The following CAST variants were observed in gnomAD, a reference collection of about 807,000 sequenced individuals.
CAST encodes the protein calpastatin.
In CAST, 76 loss-of-function variants were observed where a neutral mutation model predicts 119.6. That is an observed-to-expected ratio of 0.64 (90% confidence interval 0.53 to 0.77). CAST has a LOEUF of 0.77. Among genes scored for constraint, CAST ranks in the 30% least tolerant of loss-of-function variants. The pLI, the probability that CAST is intolerant of heterozygous loss-of-function variation, is 0.00. For synonymous variants in CAST, 319 were observed against 331.6 expected, an observed-to-expected ratio of 0.96 and a Z score of 0.41; for missense variants, 953 against 946.5, an observed-to-expected ratio of 1.01 and a Z score of -0.09.
At chr5:96,034,531 T>TA in the CAST span, among the ~76,000 whole-genome samples, 1 of 132,490 alleles carries the variant, frequency 7.5e-6, no homozygotes, top group Admixed American at 7.8e-5. Context: ...ATGCATCCAT[T>TA]ATATATTCCA....
chr5:96,078,487 A>G, the CAST span, among the ~76,000 whole-genome samples: 12 of 151,670 alleles, frequency 7.9e-5, no homozygotes, highest in African/African-American at 2.7e-4. Flanking sequence ...TCCGCCTCCC[A>G]GGTTCAAGCA....
chr5:96,052,277 T>A, the CAST span, among the ~76,000 whole-genome samples: 1 of 152,222 alleles, frequency 6.6e-6, no homozygotes, highest in Non-Finnish European at 1.5e-5. Context: ...CTCTTCTCAC[T>A]TGGTGGGCTA....
the CAST span, among the ~76,000 whole-genome samples, chr5:96,358,908 G>A: frequency 4.6e-5 from 7 of 152,172 alleles, no homozygotes; most frequent in East Asian, 1.9e-4. Flanking sequence ...TTTCTGTCTC[G>A]TTGATCTGTC....
chr5:96,232,509 G>A, the CAST span, among the ~76,000 whole-genome samples: 1 of 152,068 alleles, frequency 6.6e-6, no homozygotes, highest in Admixed American at 6.6e-5. Flanking sequence ...AAAATCTATG[G>A]AGAAAAGATT....
chr5:96,543,123 G>A (rs1455861831), intron 1 of CAST, among the ~76,000 whole-genome samples: 7 of 152,030 alleles, frequency 4.6e-5, no homozygotes, highest in African/African-American at 1.2e-4. Context: ...ATAAACACTC[G>A]GAACCAACCC....
chr5:96,194,637 TAAA>T, the CAST span, among the ~76,000 whole-genome samples: 1 of 152,192 alleles, frequency 6.6e-6, no homozygotes, highest in Non-Finnish European at 1.5e-5. Flanking sequence ...TTTCATTTTT[TAAA>T]AAAAGAAATT....
chr5:96,250,931 A>G, the CAST span, among the ~76,000 whole-genome samples: 4 of 152,086 alleles, frequency 2.6e-5, no homozygotes, highest in African/African-American at 9.7e-5. Context: ...TTGTTCGTTC[A>G]ATTCATGTAC....
chr5:96,364,669 AT>A, the CAST span, among the ~76,000 whole-genome samples: 1 of 152,134 alleles, frequency 6.6e-6, no homozygotes, highest in African/African-American at 2.4e-5. Flanking sequence ...TGGTGGTGAT[AT>A]CCCCTTTATC....
the CAST span, among the ~76,000 whole-genome samples, chr5:96,370,173 T>C: frequency 3.3e-5 from 5 of 151,750 alleles, no homozygotes; most frequent in Admixed American, 2.6e-4. Flanking sequence ...TAAAAAATAG[T>C]AAATGGAGAA....
the CAST span, among the ~76,000 whole-genome samples, chr5:96,284,531 C>A: frequency 6.6e-6 from 1 of 152,208 alleles, no homozygotes; most frequent in Admixed American, 6.5e-5. Flanking sequence ...CTAGCCAGGA[C>A]TTCCATCGGG....
chr5:96,573,686 T>G (rs1181302695), intron 1 of CAST, among the ~76,000 whole-genome samples: 1 of 151,974 alleles, frequency 6.6e-6, no homozygotes, highest in South Asian at 2.1e-4. Context: ...GTTTGGTGAA[T>G]GCTGACATAG....
the CAST span, among the ~76,000 whole-genome samples, chr5:96,120,807 C>T: frequency 1.0e-4 from 15 of 150,468 alleles, no homozygotes; most frequent in African/African-American, 2.9e-4. Context: ...CTTGCTATAC[C>T]GATCTTCTTG....
At chr5:96,276,031 C>T in the CAST span, among the ~76,000 whole-genome samples, 2 of 152,278 alleles carry the variant, frequency 1.3e-5, no homozygotes, top group Non-Finnish European at 2.9e-5. Context: ...GATTCTTAGC[C>T]AGTGGTCTTC....
the CAST span, chr5:96,392,000 T>C: frequency 6.6e-6 from 1 of 152,178 alleles, no homozygotes. Flanking sequence ...TTCAAATACT[T>C]AGAACACGCT....
the CAST span, among the ~76,000 whole-genome samples, chr5:96,291,746 G>T: frequency 6.6e-6 from 1 of 151,816 alleles, no homozygotes; most frequent in Non-Finnish European, 1.5e-5. Flanking sequence ...TCACAGTTAT[G>T]CTTTCTCTCC....
the CAST span, among the ~76,000 whole-genome samples, chr5:96,084,128 A>G: frequency 1.2e-4 from 18 of 152,226 alleles, no homozygotes; most frequent in African/African-American, 4.3e-4. Context: ...AGGTAAAACA[A>G]CTGGCCAGGA....
At chr5:96,359,031 G>A in the CAST span, among the ~76,000 whole-genome samples, 1 of 152,134 alleles carries the variant, frequency 6.6e-6, no homozygotes, top group African/African-American at 2.4e-5. Context: ...TTTATTGAGT[G>A]CATATATATT....
the CAST span, among the ~76,000 whole-genome samples, chr5:96,130,021 C>CTTT: frequency 4.9e-3 from 640 of 129,452 alleles, 18 homozygotes; most frequent in African/African-American, 0.013. Flanking sequence ...AACACACACA[C>CTTT]TTTTTTTTTT....
the CAST span, chr5:96,210,083 T>G: frequency 6.6e-6 from 1 of 151,918 alleles, no homozygotes; most frequent in Non-Finnish European, 1.5e-5. Flanking sequence ...AACCAGTCTT[T>G]GAACTCTGAG....
Sources: allele counts gnomAD v4.1 joint callset (sites outside exome capture counted in the v4.1 genomes callset), GRCh38; gene constraint gnomAD v4.1.1; transcripts MANE v1.5; gene names NCBI Gene and HGNC (gene_info 2026-07-23, HGNC 2026-07-21).